The following POLR2C variants were observed in gnomAD, a reference collection of about 807,000 sequenced individuals.
POLR2C encodes DNA-directed RNA polymerase II subunit RPB3.
POLR2C carries 36 observed loss-of-function variants against 41.7 expected under a neutral mutation model. The observed-to-expected ratio is 0.86, with a 90% CI of 0.66 to 1.14. The LOEUF is 1.14. POLR2C is among the 50% of genes most tolerant of loss of function. The pLI, the probability that POLR2C is intolerant of heterozygous loss-of-function variation, is 0.00. For synonymous variants in POLR2C, 133 were observed against 137.8 expected (o/e 0.96, Z 0.25); for missense variants, 260 against 350.4 (o/e 0.74, Z 2.06).
chr16:57,463,046 G>T lies in POLR2C; in HGVS notation c.104G>T (p.Arg35Leu). 6.2e-7 allele frequency: 1 copy of T among 1,613,858 alleles called. No individual in the cohort carries two copies. Among genetic ancestry groups the T allele is most frequent in the African/African-American group, 1.3e-5 (1 of 74,980 alleles). ...NTDLAVANSI[R>L]RVFIAEVPII... ...TCTTTCAGGGTGGCCAATTCGATTC[G>T]GAGGGTCTTCATCGCTGAGGTTCCC... The change falls in exon 2 of 9, where the codon CGG becomes CTG. Residue 35 changes from arginine (R) to leucine (L), a missense_variant. By Grantham distance (102) the Arg-to-Leu change is moderately radical (BLOSUM62 -2). Coordinates refer to ENST00000219252, the MANE Select transcript of POLR2C (RefSeq NM_032940.3).
chr16:57,468,691 T>G (rs1352175427), intron 4 of POLR2C, among the ~76,000 whole-genome samples: 1 of 152,218 alleles, frequency 6.6e-6, no homozygotes, highest in Non-Finnish European at 1.5e-5. Flanking sequence ...ATAGAAAGGA[T>G]TTTTTAGAAA....
At chr16:57,467,327 T>G (rs1598043818) in intron 4 of POLR2C, among the ~76,000 whole-genome samples, 2 of 152,276 alleles carry the variant, frequency 1.3e-5, no homozygotes, top group African/African-American at 4.8e-5. Context: ...TTTTAACATT[T>G]TGCCCTATTT....
chr16:57,465,662 C>G (rs2146600029), intron 2 of POLR2C: 2 of 334,034 alleles, frequency 6.0e-6, no homozygotes, highest in East Asian at 1.2e-4. Flanking sequence ...GCTTCTCATG[C>G]AAATACTCAG....
intron 4 of POLR2C, among the ~76,000 whole-genome samples, chr16:57,468,095 A>G (rs1469313063): frequency 6.6e-6 from 1 of 152,158 alleles, no homozygotes; most frequent in East Asian, 1.9e-4. Flanking sequence ...CTGCGACCTC[A>G]GCCTCTGGGC....
In POLR2C at chr16:57,465,993, T is replaced by C. The variant is rs758915660; in HGVS notation, c.177T>C (p.Leu59=). The change falls in exon 3 of 9, where the codon CTT becomes CTC. Residue 59 remains leucine (L), a synonymous_variant. Coordinates refer to ENST00000219252, the MANE Select transcript of POLR2C (RefSeq NM_032940.3). The stretch of plus-strand genomic sequence containing the variant: ...AGATTGATGCCAATTCCTCAGTTCT[T>C]CATGATGAATTCATTGCTCACAGGC... ...WVQIDANSSV[L]HDEFIAHRLG... The C allele has an allele frequency of 6.2e-7, 1 of 1,600,666 alleles. No individual in the cohort carries two copies. Among genetic ancestry groups the C allele is most frequent in the Admixed American group, 1.7e-5 (1 of 60,018 alleles).
At chr16:57,462,836 G>C in intron 1 of POLR2C, 26 bp downstream of exon 1, 1 of 1,577,610 alleles carries the variant, frequency 6.3e-7, no homozygotes, top group African/African-American at 1.4e-5. Context: ...GAAGAGGCTG[G>C]CGGCTCTGGG....
Position 57,469,748 on chromosome 16 carries a change from C to T in POLR2C, c.426C>T (p.Tyr142=), listed in dbSNP as rs1418751896. The T allele has an allele frequency of 1.9e-6, 3 of 1,613,864 alleles. No individual in the cohort carries two copies. Among genetic ancestry groups the T allele is most frequent in the Non-Finnish European group, 8.5e-7 (1 of 1,179,776 alleles). Residue 142 remains tyrosine (Y), a synonymous_variant, in exon 6 of 9, where the codon TAC becomes TAT. Coordinates refer to ENST00000219252, the MANE Select transcript of POLR2C (RefSeq NM_032940.3). The surrounding 1 kb of genome is among the most constrained non-coding windows in gnomAD (Gnocchi z 5.8). The part of the protein sequence containing the change: ...SRNRDNDPND[Y]VEQDDILIVK... ...ACCGAGATAATGACCCCAATGACTA[C>T]GTGGAGCAGGATGGTAAGTCTTCCT...
At chr16:57,463,615 A>G (rs1311497007) in intron 2 of POLR2C, 3 of 454,346 alleles carry the variant, frequency 6.6e-6, no homozygotes, top group Non-Finnish European at 1.3e-5. Flanking sequence ...TTTAGCTCCC[A>G]TGCGGTGTTT....
Position 57,469,570 on chromosome 16 carries a change from TG to T in POLR2C, c.388-135del. 1.2e-6 allele frequency: 1 copy of T among 801,382 alleles called. No individual in the cohort carries two copies. Among genetic ancestry groups the T allele is most frequent in the Non-Finnish European group, 2.2e-6 (1 of 463,114 alleles). 49.6% of individuals were successfully genotyped at this position (801,382 alleles called of 1,614,324 possible). On this transcript the variant is annotated intron_variant, in intron 5 of 8. Coordinates refer to ENST00000219252, the MANE Select transcript of POLR2C (RefSeq NM_032940.3). This position sits in a 1 kb window ranked among gnomAD's most constrained non-coding sequence, Gnocchi z 5.8. Reference sequence around the variant, plus strand: ...CACCCTGAAGTGGGGGTTGGAGTCCTGGGGGCATCTGTGCCACCACCTCGTC... The same window carrying T: ...CACCCTGAAGTGGGGGTTGGAGTCCTGGGGCATCTGTGCCACCACCTCGTC...
intron 1 of POLR2C, 71 bp downstream of exon 1, chr16:57,462,881 G>T: frequency 7.8e-7 from 1 of 1,287,288 alleles, no homozygotes; most frequent in Non-Finnish European, 1.1e-6. Context: ...CCCGGGGCAG[G>T]GGGCGGGGGT....
chr16:57,467,678 C>G (rs1414242287), intron 4 of POLR2C, among the ~76,000 whole-genome samples: 2 of 152,204 alleles, frequency 1.3e-5, no homozygotes, highest in Non-Finnish European at 2.9e-5. Context: ...GTGAAAGTTG[C>G]AGACATCCTA....
In POLR2C at chr16:57,468,173, A is replaced by C. The variant is rs1004284635; in HGVS notation, c.259-992A>C. On this transcript the variant is annotated intron_variant, in intron 4 of 8. Coordinates refer to ENST00000219252, the MANE Select transcript of POLR2C (RefSeq NM_032940.3). Reference sequence around the variant, plus strand: ...ACAGGTGCTGTGCACCACCACACCCAAAAAATACAATTTTTTTGTATTTTT... The same window carrying C: ...ACAGGTGCTGTGCACCACCACACCCCAAAAATACAATTTTTTTGTATTTTT... Among the ~76,000 whole-genome samples the C allele has an allele frequency of 2.0e-5, 3 of 151,570 alleles. No individual in the cohort carries two copies. In the East Asian group the frequency reaches 5.8e-4, roughly 29 times the overall value.
At position 57,470,301 on chromosome 16, in the gene POLR2C, G is replaced by C. The variant is rs767512464; in HGVS notation, c.630G>C (p.Glu210Asp). Residue 210 changes from glutamate to aspartate, a missense_variant, in exon 8 of 9, where the codon GAG (glutamate) becomes GAC (aspartate). By Grantham distance (45) the Glu-to-Asp change is conservative (BLOSUM62 2). Coordinates refer to ENST00000219252, the MANE Select transcript of POLR2C (RefSeq NM_032940.3). ...PEEWPKSEYSELDEDESQAPY... is the reference protein window; with the variant it reads ...PEEWPKSEYSDLDEDESQAPY... ...TCAGGCCAAAGAGTGAGTACTCGGA[G>C]CTGGATGAGGATGAGTCGCAGGCTC... 39 of 1,613,198 alleles carry C rather than the reference G, an allele frequency of 2.4e-5. No homozygotes were observed. The highest frequency in any genetic ancestry group is 3.1e-5 in the Non-Finnish European group (37 of 1,179,612).
At chr16:57,464,894 C>T (rs1471547332) in intron 2 of POLR2C, among the ~76,000 whole-genome samples, 1 of 152,042 alleles carries the variant, frequency 6.6e-6, no homozygotes, top group African/African-American at 2.4e-5. Context: ...CCAGGACCTG[C>T]GTGAAGGAAT....
At chr16:57,470,402 G>C (rs1441739823) in intron 8 of POLR2C, 48 bp downstream of exon 8, 1 of 1,450,918 alleles carries the variant, frequency 6.9e-7, no homozygotes, top group Admixed American at 2.0e-5. Context: ...AAGAAGGGAT[G>C]GTTTTGGTTC....
chr16:57,463,725 C>G, intron 2 of POLR2C: 1 of 432,560 alleles, frequency 2.3e-6, no homozygotes, highest in South Asian at 1.6e-5. Flanking sequence ...TGAGGAACAC[C>G]TGAGGCCAGG....
chr16:57,471,262 T>C lies in POLR2C; in HGVS notation c.*143T>C. The C allele has an allele frequency of 1.5e-6, 1 of 688,164 alleles. No homozygotes were observed. Among genetic ancestry groups the C allele is most frequent in the Non-Finnish European group, 2.5e-6 (1 of 398,292 alleles). The allele number at this position is 688,164 out of a possible 1,614,324, so 42.6% of individuals were successfully genotyped here. A position where few individuals can be genotyped will look rare whatever the true frequency, so the allele number is the denominator to read the frequency against. On this transcript the variant is annotated 3_prime_UTR_variant, in exon 9 of 9. Coordinates refer to ENST00000219252, the MANE Select transcript of POLR2C (RefSeq NM_032940.3). ...GCAGGACATCAGTACCAACTAGAAGTGGGTCATAGATAGATTACCAGGGAT... is the reference window on the plus strand; with the variant it reads ...GCAGGACATCAGTACCAACTAGAAGCGGGTCATAGATAGATTACCAGGGAT...
At position 57,469,274 on chromosome 16, in the gene POLR2C, A is replaced by G; in HGVS notation, c.368A>G (p.Asn123Ser). ...RHVTSRDLIS[N>S]SPRVIPVTSR... is the part of the protein sequence containing the mutation. ...GTCACGTCTCGAGACCTCATCTCCA[A>G]CAGCCCCCGGGTCATTCCGGTCAGT... Residue 123 changes from asparagine to serine, a missense_variant, in exon 5 of 9, where the codon AAC becomes AGC. By Grantham distance (46) the Asn-to-Ser change is conservative (BLOSUM62 1). Coordinates refer to ENST00000219252, the MANE Select transcript of POLR2C (RefSeq NM_032940.3). The surrounding 1 kb of genome is among the most constrained non-coding windows in gnomAD (Gnocchi z 5.8). 1.2e-6 allele frequency: 2 copies of G among 1,614,192 alleles called. No homozygotes were observed. The highest frequency in any genetic ancestry group is 1.1e-5 in the South Asian group (1 of 91,084).
In POLR2C at chr16:57,469,375, T is replaced by G; in HGVS notation, c.387+82T>G. The G allele has an allele frequency of 2.0e-6, 3 of 1,484,900 alleles. No individual in the cohort carries two copies. The highest frequency in any genetic ancestry group is 2.8e-6 in the Non-Finnish European group (3 of 1,063,694). 92.0% of individuals were successfully genotyped at this position (1,484,900 alleles called of 1,614,324 possible). On this transcript the variant is annotated intron_variant, in intron 5 of 8. Transcript: ENST00000219252. This position sits in a 1 kb window ranked among gnomAD's most constrained non-coding sequence, Gnocchi z 5.8. Reference sequence around the variant, plus strand: ...TCCAAGTGGGCCAGACTGGGGTTGATCCTTAGAAAATGTTGGCTTTCCCTG... The same window carrying G: ...TCCAAGTGGGCCAGACTGGGGTTGAGCCTTAGAAAATGTTGGCTTTCCCTG...
Sources: gnomAD v4.1 joint callset for allele counts (sites outside exome capture counted in the v4.1 genomes callset) on GRCh38, gnomAD v4.1.1 for gene constraint, Gnocchi (gnomAD v3.1) non-coding constraint, MANE v1.5 for transcripts, NCBI Gene and HGNC (gene_info 2026-07-23, HGNC 2026-07-21) for gene names.